Variants in EIF5B observed in about 807,000 individuals in gnomAD.
EIF5B encodes the protein eukaryotic translation initiation factor 5B.
A neutral mutation model predicts 147.5 loss-of-function variants in EIF5B; 47 were observed. That is an observed-to-expected ratio of 0.32 (90% CI 0.25 to 0.41). The LOEUF (loss-of-function observed/expected upper bound fraction) is 0.41. EIF5B is among the 10% of genes least tolerant of loss of function. The probability of loss-of-function intolerance (pLI) is 1.00; values close to 1 mark genes in which losing one functional copy is unlikely to be tolerated. For missense variants in EIF5B, 1,064 were observed against 1,413.2 expected (o/e 0.75, Z 3.96); for synonymous variants, 455 against 456.2 (o/e 1.00, Z 0.03).
At position 99,339,003 on chromosome 2, in the gene EIF5B, T is replaced by TATACAAATATATATATATATAC. The variant is rs1351384616; in HGVS notation, c.35+1415_35+1416insTACAAATATATATATATATACA. Among the ~76,000 whole-genome samples, 30 of 144,164 alleles carry TATACAAATATATATATATATAC rather than the reference T, an allele frequency of 2.1e-4. 1 individual carries two copies. The highest frequency in any genetic ancestry group is 6.5e-4 in the African/African-American group (26 of 39,722). The allele number at this position is 144,164 out of a possible 152,430, so 94.6% of individuals were successfully genotyped here. ...ACAAATATATACACAAATATATATA[T>TATACAAATATATATATATATAC]ACATTTTTTTTTTTTTTTTGAGACG... is the stretch of plus-strand genomic sequence containing the variant. On this transcript the variant is annotated intron_variant, in intron 1 of 23. Coordinates refer to ENST00000289371, the MANE Select transcript of EIF5B (RefSeq NM_015904.4).
At chr2:99,394,145 T>C in intron 18 of EIF5B, 122 bp from the exon 19 acceptor site, 1 of 1,319,706 alleles carries the variant, frequency 7.6e-7, no homozygotes, top group Non-Finnish European at 1.0e-6. Context: ...CCTTGCTCTA[T>C]CTAAGCCTTA....
chr2:99,399,052 T>C (rs978651830), intron 23 of EIF5B, 143 bp downstream of exon 23: 62 of 1,034,434 alleles, frequency 6.0e-5, no homozygotes, highest in Non-Finnish European at 7.6e-5. Flanking sequence ...GACCTCTAGC[T>C]GGGCCTTGTC....
chr2:99,399,636 C>G lies in EIF5B; in HGVS notation c.*222C>G. 2.1e-6 allele frequency: 1 copy of G among 474,912 alleles called. No individual in the cohort carries two copies. The allele number at this position is 474,912 out of a possible 1,614,324, so 29.4% of individuals were successfully genotyped here. ...TCCCCACAGTTCCAATGTGCCTGTT[C>G]ACTCACCTCTCCCTTCCCCAACCCT... On this transcript the variant is annotated 3_prime_UTR_variant, in exon 24 of 24. Transcript: ENST00000289371.
chr2:99,349,734 A>G (rs761106443), intron 1 of EIF5B, among the ~76,000 whole-genome samples: 1 of 152,208 alleles, frequency 6.6e-6, no homozygotes. Flanking sequence ...TGGTATCTGT[A>G]TACATTGTGT....
intron 1 of EIF5B, among the ~76,000 whole-genome samples, chr2:99,343,983 A>G (rs1270809848): frequency 6.6e-6 from 1 of 150,846 alleles, no homozygotes; most frequent in Admixed American, 6.6e-5. Flanking sequence ...CAGTGGCGCA[A>G]TCTCAGCTCA....
intron 1 of EIF5B, among the ~76,000 whole-genome samples, chr2:99,341,758 A>AC (rs1240532301): frequency 6.6e-6 from 1 of 152,244 alleles, no homozygotes; most frequent in Non-Finnish European, 1.5e-5. Flanking sequence ...ATAAACTTAC[A>AC]CTATGATACA....
chr2:99,352,379 G>A (rs978056056), intron 1 of EIF5B, among the ~76,000 whole-genome samples: 10 of 148,086 alleles, frequency 6.8e-5, no homozygotes, highest in African/African-American at 2.5e-4. Flanking sequence ...ATTTTTAGTA[G>A]AGATGGAGTT....
chr2:99,392,010 C>A (rs1358426906), intron 17 of EIF5B, among the ~76,000 whole-genome samples: 1 of 151,158 alleles, frequency 6.6e-6, no homozygotes, highest in African/African-American at 2.4e-5. Context: ...AGGCATGAGC[C>A]ACCATGCCTG....
intron 4 of EIF5B, 36 bp downstream of exon 4, chr2:99,361,856 T>C: frequency 6.7e-7 from 1 of 1,485,424 alleles, no homozygotes; most frequent in Non-Finnish European, 8.9e-7. Flanking sequence ...GCAAAAGGCT[T>C]TTGATTCACA....
rs1329598644 is a variant in EIF5B, at chr2:99,390,321, T to C, written c.2506T>C (p.Tyr836His). 6.2e-7 allele frequency: 1 copy of C among 1,614,148 alleles called. No individual in the cohort carries two copies. Among genetic ancestry groups the C allele is most frequent in the Non-Finnish European group, 8.5e-7 (1 of 1,180,014 alleles). The change falls in exon 16 of 24, where the codon TAC becomes CAC. Residue 836 changes from tyrosine (Y) to histidine (H), a missense_variant. Tyr to His is a moderately conservative substitution (Grantham distance 83, BLOSUM62 2). This residue lies in a region of EIF5B where 380 missense variants were observed against 715.6 expected (regional missense o/e 0.53). Transcript: ENST00000289371. ...HTGDGMGSLI[Y>H]LLVELTQTML... ...TGGTGATGGCATGGGAAGTCTGATC[T>C]ACCTTCTTGTAGAGTTAACTCAGAC... is the stretch of plus-strand genomic sequence containing the variant.
chr2:99,391,074 C>T (rs1032195382), intron 17 of EIF5B, among the ~76,000 whole-genome samples: 1 of 152,140 alleles, frequency 6.6e-6, no homozygotes, highest in Non-Finnish European at 1.5e-5. Context: ...CTACCATTGA[C>T]CAGAAGCCTT....
Position 99,376,817 on chromosome 2 carries a change from C to T in EIF5B, c.1842+181C>T, listed in dbSNP as rs547160552. On this transcript the variant is annotated intron_variant, in intron 10 of 23. Transcript: ENST00000289371. ...ATACTGGTCTTACCCAAGGACCCCC[C>T]GTCCCCGCTCTTACCTAAGATAGAA... Among the ~76,000 whole-genome samples the T allele has an allele frequency of 8.5e-4, 130 of 152,252 alleles. 1 individual carries two copies. Among genetic ancestry groups the T allele is most frequent in the Admixed American group, 6.9e-3 (105 of 15,292 alleles).
chr2:99,346,930 A>G (rs2094274663), intron 1 of EIF5B, among the ~76,000 whole-genome samples: 2 of 152,038 alleles, frequency 1.3e-5, no homozygotes, highest in Admixed American at 6.6e-5. Context: ...TATCAATATT[A>G]TATATATCTG....
At chr2:99,348,426 G>A (rs1176927608) in intron 1 of EIF5B, among the ~76,000 whole-genome samples, 2 of 152,198 alleles carry the variant, frequency 1.3e-5, no homozygotes, top group Non-Finnish European at 2.9e-5. Flanking sequence ...TGACTGCTGG[G>A]CTTTCCCTTC....
At chr2:99,352,716 A>C (rs76361441) in intron 1 of EIF5B, among the ~76,000 whole-genome samples, 4,033 of 151,528 alleles carry the variant, frequency 0.027, 184 homozygotes, top group African/African-American at 0.092. Flanking sequence ...CCTGGCCTCA[A>C]GTGATCCACC....
intron 14 of EIF5B, among the ~76,000 whole-genome samples, chr2:99,383,365 G>C (rs1258733660): frequency 1.3e-5 from 2 of 152,096 alleles, no homozygotes; most frequent in African/African-American, 4.8e-5. Flanking sequence ...GCAACCAGCT[G>C]TTCCCTTGTC....
chr2:99,341,181 A>T (rs2094258809), intron 1 of EIF5B, among the ~76,000 whole-genome samples: 1 of 152,260 alleles, frequency 6.6e-6, no homozygotes, highest in South Asian at 2.1e-4. Flanking sequence ...TTCAATATCC[A>T]CATATCAAAC....
intron 3 of EIF5B, 120 bp downstream of exon 3, chr2:99,360,669 T>C: frequency 1.2e-6 from 1 of 861,668 alleles, no homozygotes; most frequent in South Asian, 2.7e-5. Context: ...ATTTAAAAGC[T>C]TCTATGAAAT....
intron 15 of EIF5B, 64 bp downstream of exon 15, chr2:99,389,913 A>G: frequency 6.6e-7 from 1 of 1,514,004 alleles, no homozygotes; most frequent in Admixed American, 2.3e-5. Context: ...TATCTTTATA[A>G]TGAAGTCAGC....
Sources: gnomAD v4.1 joint callset for allele counts (sites outside exome capture counted in the v4.1 genomes callset) on GRCh38, gnomAD v4.1.1 for gene constraint, gnomAD v4.1.1 regional missense constraint, MANE v1.5 for transcripts, NCBI Gene and HGNC (gene_info 2026-07-23, HGNC 2026-07-21) for gene names.